Variants in URB1 observed in about 807,000 individuals in gnomAD.
URB1 encodes the protein URB1 ribosome biogenesis factor, also known as nucleolar pre-ribosomal-associated protein 1.
URB1 carries 197 observed loss-of-function variants against 242.3 expected under a neutral mutation model. The ratio of observed to expected loss-of-function variants is 0.81; its 90% CI spans 0.72 to 0.91. The LOEUF (loss-of-function observed/expected upper bound fraction) is 0.91, where lower values mean the gene tolerates loss of function less well. Among genes scored for constraint, URB1 ranks in the 40% least tolerant of loss-of-function variants. The pLI, the probability that URB1 is intolerant of heterozygous loss-of-function variation, is 0.00. For synonymous variants in URB1, 1,153 were observed against 1,201.8 expected (o/e 0.96, Z 0.84); for missense variants, 2,721 against 2,860.5 (o/e 0.95, Z 1.11).
At chr21:32,341,368 C>A in intron 25 of URB1, 98 bp downstream of exon 25, 3 of 1,228,140 alleles carry the variant, frequency 2.4e-6, no homozygotes, top group South Asian at 2.8e-5. Flanking sequence ...GGCTCCACCA[C>A]GTGGATTATG....
intron 35 of URB1, among the ~76,000 whole-genome samples, chr21:32,319,785 T>C (rs1051423368): frequency 6.6e-6 from 1 of 152,246 alleles, no homozygotes; most frequent in Non-Finnish European, 1.5e-5. Context: ...ATTTTGGATA[T>C]TAATTTCTTC....
At chr21:32,355,401 T>C (rs1173024898) in intron 16 of URB1, 48 bp downstream of exon 16, 3 of 1,506,484 alleles carry the variant, frequency 2.0e-6, no homozygotes, top group Admixed American at 3.9e-5. Context: ...AAGAAGTTAA[T>C]ATAATTATCT....
chr21:32,322,457 G>A (rs775833871), intron 33 of URB1, 21 bp downstream of exon 33: 41 of 1,543,010 alleles, frequency 2.7e-5, no homozygotes, highest in Non-Finnish European at 3.4e-5. Context: ...GCAGAAAGCC[G>A]TGAGGACTCT....
At chr21:32,390,102 C>T (rs2033622230) in intron 1 of URB1, among the ~76,000 whole-genome samples, 1 of 152,130 alleles carries the variant, frequency 6.6e-6, no homozygotes, top group Non-Finnish European at 1.5e-5. Flanking sequence ...TCAACACAGC[C>T]TCAAACAAGG....
intron 20 of URB1, among the ~76,000 whole-genome samples, 192 bp from the exon 21 acceptor site, chr21:32,349,675 C>T (rs2033134417): frequency 6.6e-6 from 1 of 152,222 alleles, no homozygotes; most frequent in Admixed American, 6.5e-5. Context: ...CTTCCTAAGC[C>T]TTGGTGAAAC....
At position 32,372,623 on chromosome 21, in the gene URB1, GGCA is replaced by G. The variant is rs201191120; in HGVS notation, c.882_884del (p.Ala295del). 4.5e-4 allele frequency: 700 copies of G among 1,549,096 alleles called. 4 individuals are homozygous for G. The African/African-American group carries it at 8.4e-3, about 19-fold the overall frequency. On this transcript the variant is annotated inframe_deletion, in exon 8 of 39. Transcript: ENST00000382751. ...GCACCATGGTTTTCCCTGCTTCTTC[GGCA>G]GAAACCTATGAAGATTTTTTAAAAA...
chr21:32,314,503 T>A lies in URB1; in HGVS notation c.*415A>T. 6.4e-7 allele frequency: 1 copy of A among 1,550,670 alleles called. No homozygotes were observed. Among genetic ancestry groups the A allele is most frequent in the East Asian group, 2.2e-5 (1 of 44,510 alleles). The stretch of plus-strand genomic sequence containing the variant: ...CCTGCTGAAAAATAAACTTTAAACA[T>A]CTCTCTTCGTTTTCATAAAAAAAAT... On this transcript the variant is annotated 3_prime_UTR_variant, in exon 39 of 39. Transcript: ENST00000382751.
chr21:32,385,728 T>G (rs1327122342), intron 1 of URB1, 44 bp from the exon 2 acceptor site: 6 of 1,545,940 alleles, frequency 3.9e-6, no homozygotes, highest in Non-Finnish European at 5.2e-6. Context: ...GTCAGTCTTC[T>G]TAGAAACAAT....
At chr21:32,391,995 G>T (rs1056226651) in intron 1 of URB1, among the ~76,000 whole-genome samples, 1 of 151,774 alleles carries the variant, frequency 6.6e-6, no homozygotes, top group African/African-American at 2.4e-5. Context: ...CTGCACTTCA[G>T]CCTGGGCAAC....
rs1300786982 is a variant in URB1, at chr21:32,349,378, C to T, written c.2938G>A (p.Glu980Lys). The stretch of plus-strand genomic sequence containing the variant: ...AGGTCGGCTTCGGCCCGGGCGGCCT[C>T]GCATCTCTGCTGGTTCTGGGCATCC... ...QLDAQNQQRC[E>K]AARAEADLFL... Residue 980 changes from glutamate to lysine, a missense_variant, in exon 21 of 39, where the codon GAG becomes AAG. By Grantham distance (56) the Glu-to-Lys change is moderately conservative. Coordinates refer to ENST00000382751, the MANE Select transcript of URB1 (RefSeq NM_014825.3). 8 of 1,551,366 alleles carry T rather than the reference C, an allele frequency of 5.2e-6. No homozygotes were observed. The highest frequency in any genetic ancestry group is 1.4e-5 in the African/African-American group (1 of 73,060).
At chr21:32,330,567 C>G (rs2123556638) in intron 30 of URB1, among the ~76,000 whole-genome samples, 1 of 151,316 alleles carries the variant, frequency 6.6e-6, no homozygotes, top group South Asian at 2.1e-4. Flanking sequence ...TTTTTCCAAG[C>G]CTTTTTCTCC....
Position 32,368,616 on chromosome 21 carries a change from A to G in URB1, c.1002-18T>C, listed in dbSNP as rs909452236. 30 of 1,542,814 alleles carry G rather than the reference A, an allele frequency of 1.9e-5. No homozygotes were observed. The highest frequency in any genetic ancestry group is 2.4e-5 in the Non-Finnish European group (28 of 1,143,320). On this transcript the variant is annotated intron_variant, in intron 8 of 38. Transcript: ENST00000382751. The stretch of plus-strand genomic sequence containing the variant: ...TTCCGCCTCTGTTAGAGAAAGACAC[A>G]TGGGGAGAGGTCAGCAGAAAATGGT...
chr21:32,328,785 T>C (rs549983611), intron 30 of URB1, among the ~76,000 whole-genome samples: 2 of 152,332 alleles, frequency 1.3e-5, no homozygotes, highest in African/African-American at 2.4e-5. Flanking sequence ...TATGAAAATC[T>C]TGGCTTTGTA....
chr21:32,355,379 C>A lies in URB1; in HGVS notation c.2106+70G>T, dbSNP rs1362968549. On this transcript the variant is annotated intron_variant, in intron 16 of 38. Coordinates refer to ENST00000382751, the MANE Select transcript of URB1 (RefSeq NM_014825.3). ...TTTGGTGCTGGTGCATCAAAAATGC[C>A]TCGATGACGCTAAGAAGTTAATATA... The A allele has an allele frequency of 9.9e-6, 14 of 1,419,188 alleles. No individual in the cohort carries two copies. In the East Asian group the frequency reaches 3.5e-4, roughly 35 times the overall value. 87.9% of individuals were successfully genotyped at this position (1,419,188 alleles called of 1,614,324 possible).
In URB1 at chr21:32,311,679, C is replaced by T. The variant is rs569553200; in HGVS notation, c.*3239G>A. ...TGCCTGCCTCCCACTCTGCTCTGTT[C>T]ACAGGAACAGCCCCAAGCACCACCA... On this transcript the variant is annotated 3_prime_UTR_variant, in exon 39 of 39. Coordinates refer to ENST00000382751, the MANE Select transcript of URB1 (RefSeq NM_014825.3). The T allele has an allele frequency of 6.2e-7, 1 of 1,613,836 alleles. No individual in the cohort carries two copies. The highest frequency in any genetic ancestry group is 1.3e-5 in the African/African-American group (1 of 75,052).
intron 4 of URB1, among the ~76,000 whole-genome samples, chr21:32,379,273 A>T (rs2033495054): frequency 6.6e-6 from 1 of 152,210 alleles, no homozygotes; most frequent in Non-Finnish European, 1.5e-5. Context: ...GTATCTAAGG[A>T]ACTCAAGGCA....
chr21:32,370,801 C>A (rs1418959449), intron 8 of URB1, among the ~76,000 whole-genome samples: 2 of 152,240 alleles, frequency 1.3e-5, no homozygotes, highest in Non-Finnish European at 2.9e-5. Flanking sequence ...TGAGTGGTCA[C>A]AACAGACTGT....
Position 32,359,876 on chromosome 21 carries a change from C to A in URB1, c.1789G>T (p.Val597Leu), listed in dbSNP as rs1177751919. Residue 597 changes from valine to leucine, a missense_variant, in exon 14 of 39, where the codon GTG (valine) becomes TTG (leucine). Transcript: ENST00000382751. ...ATGTGGTGCTGCAGAATGGGAGGCA[C>A]CTCCTCTCGAAGGCCCTGCTCAGAG... The part of the protein sequence containing the change: ...VISEQGLREE[V>L]PPILQHHMLK... The A allele has an allele frequency of 3.2e-6, 5 of 1,548,104 alleles. No individual in the cohort carries two copies. The South Asian group carries it at 4.8e-5, about 15-fold the overall frequency.
chr21:32,381,059 C>T (rs1244647988), intron 4 of URB1, among the ~76,000 whole-genome samples: 1 of 152,172 alleles, frequency 6.6e-6, no homozygotes, highest in African/African-American at 2.4e-5. Context: ...GTAAGATCCC[C>T]AGGACACAGC....
Sources: gnomAD v4.1 joint callset for allele counts (sites outside exome capture counted in the v4.1 genomes callset) on GRCh38, gnomAD v4.1.1 for gene constraint, MANE v1.5 for transcripts, NCBI Gene and HGNC (gene_info 2026-07-23, HGNC 2026-07-21) for gene names.